ZNF169: variants seen among roughly 807,000 people sequenced by gnomAD.
The protein encoded by ZNF169 is zinc finger protein 169.
ZNF169 carries 11 observed loss-of-function variants against 12.0 expected under a neutral mutation model. The observed-to-expected ratio is 0.92, with a 90% CI of 0.58 to 1.52. The LOEUF is 1.52. ZNF169 is among the 40% of genes most tolerant of loss of function. The pLI is 0.00. For synonymous variants in ZNF169, 302 were observed against 286.5 expected (o/e 1.05, Z -0.55); for missense variants, 722 against 744.0 (o/e 0.97, Z 0.34).
rs752122792 is a variant in ZNF169 at position 94,300,884 on chromosome 9, G to A, written c.1326G>A (p.Lys442=). The part of the protein sequence containing the change: ...CPQCGRGFSQ[K]VTLIGHQRTH... The stretch of plus-strand genomic sequence containing the variant: ...AGTGTGGGCGGGGTTTTAGCCAGAA[G>A]GTCACCCTCATTGGACACCAGAGGA... The change falls in exon 5 of 5, where the codon AAG becomes AAA. Residue 442 remains lysine (K), a synonymous_variant. Transcript: ENST00000395395. 4.3e-6 allele frequency: 7 copies of A among 1,613,768 alleles called. No homozygotes were observed. In the Admixed American group the frequency reaches 5.0e-5, roughly 12 times the overall value.
At chr9:94,269,275 G>A (rs983747488) in intron 1 of ZNF169, among the ~76,000 whole-genome samples, 1 of 152,260 alleles carries the variant, frequency 6.6e-6, no homozygotes, top group South Asian at 2.1e-4. Context: ...TGCAAAGGGG[G>A]TGTATGAGCG....
At chr9:94,273,792 G>A (rs1830471647) in intron 1 of ZNF169, among the ~76,000 whole-genome samples, 1 of 152,038 alleles carries the variant, frequency 6.6e-6, no homozygotes, top group Admixed American at 6.6e-5. Flanking sequence ...TGTTAGCCAG[G>A]ATGGTCTCGA....
rs920115046 is a variant in ZNF169, at chr9:94,300,191, A to G, written c.633A>G (p.Ala211=). Residue 211 remains alanine, a synonymous_variant, in exon 5 of 5, where the codon GCA becomes GCG. Coordinates refer to ENST00000395395, the MANE Select transcript of ZNF169 (RefSeq NM_194320.4). ...LKGADTSESG[A]VIRGNYRLGL... ...GAGCAGACACTTCAGAATCTGGAGC[A>G]GTCATACGTGGAAACTATAGACTGG... The G allele has an allele frequency of 8.7e-6, 14 of 1,614,222 alleles. No individual in the cohort carries two copies. Among genetic ancestry groups the G allele is most frequent in the Middle Eastern group, 1.6e-4 (1 of 6,062 alleles).
intron 2 of ZNF169, chr9:94,288,699 T>G (rs966348670): frequency 1.2e-5 from 4 of 327,444 alleles, no homozygotes; most frequent in Non-Finnish European, 2.4e-5. Context: ...CTTGCTCACT[T>G]TTTCTCCTGC....
At chr9:94,278,492 T>C (rs1830563277) in intron 1 of ZNF169, among the ~76,000 whole-genome samples, 1 of 152,194 alleles carries the variant, frequency 6.6e-6, no homozygotes. Context: ...CTTTTTCTTT[T>C]AATGGAGTCC....
At chr9:94,288,306 G>T in intron 2 of ZNF169, 1 of 868,006 alleles carries the variant, frequency 1.2e-6, no homozygotes, top group Non-Finnish European at 2.0e-6. Flanking sequence ...TAACCTCAGT[G>T]CCTGGTGTGT....
At chr9:94,283,374 C>G (rs1467278137) in intron 2 of ZNF169, among the ~76,000 whole-genome samples, 1 of 152,170 alleles carries the variant, frequency 6.6e-6, no homozygotes, top group Non-Finnish European at 1.5e-5. Context: ...CGCCACTGTA[C>G]TCCAGCCTGG....
chr9:94,267,862 C>CTT (rs34734711), intron 1 of ZNF169, among the ~76,000 whole-genome samples: 50,833 of 113,694 alleles, frequency 0.45, 14,308 homozygotes, highest in Non-Finnish European at 0.6. Context: ...AAACTGCCTT[C>CTT]TTTTTTTTTT....
chr9:94,276,372 T>C (rs775984647), intron 1 of ZNF169, among the ~76,000 whole-genome samples: 23 of 151,880 alleles, frequency 1.5e-4, no homozygotes, highest in Non-Finnish European at 2.2e-4. Context: ...TTCAAGTGAT[T>C]CTCCTGCCTC....
Position 94,296,100 on chromosome 9 carries a change from G to A in ZNF169, c.256+3031G>A, listed in dbSNP as rs141426993. Among the ~76,000 whole-genome samples, 198 of 152,268 alleles carry A rather than the reference G, an allele frequency of 1.3e-3. 1 individual carries two copies. Among genetic ancestry groups the A allele is most frequent in the African/African-American group, 4.6e-3 (190 of 41,542 alleles). On this transcript the variant is annotated intron_variant, in intron 4 of 4. Transcript: ENST00000395395. ...GCTGTGTAGTGAGTGGCATCTTACC[G>A]TGGTTTTAACATTTTCTTAATGACT...
At chr9:94,291,473 A>G (rs993306245) in intron 2 of ZNF169, among the ~76,000 whole-genome samples, 2 of 152,224 alleles carry the variant, frequency 1.3e-5, no homozygotes, top group African/African-American at 2.4e-5. Flanking sequence ...AACCACAGCA[A>G]TAAGGCAAGA....
chr9:94,296,904 G>A (rs12378270), intron 4 of ZNF169: 19,957 of 443,084 alleles, frequency 0.045, 615 homozygotes, highest in Admixed American at 0.084. Flanking sequence ...AAAACTAGCC[G>A]AGTGTGGTGG....
rs2118684277 is a variant in ZNF169 at position 94,301,671 on chromosome 9, A to G, written c.*301A>G. Among the ~76,000 whole-genome samples, 1 of 152,184 alleles carries G rather than the reference A, an allele frequency of 6.6e-6. No homozygotes were observed. The highest frequency in any genetic ancestry group is 1.9e-4 in the East Asian group (1 of 5,176). On this transcript the variant is annotated 3_prime_UTR_variant, in exon 5 of 5. Transcript: ENST00000395395. The stretch of plus-strand genomic sequence containing the variant: ...TTAAGCCTCTCTGTTTGGCTTGCGG[A>G]TGGCTGCTTTCTGGCCACGTCCTCA...
chr9:94,289,046 T>C (rs62579663), intron 2 of ZNF169, among the ~76,000 whole-genome samples: 1 of 152,086 alleles, frequency 6.6e-6, no homozygotes, highest in Non-Finnish European at 1.5e-5. Flanking sequence ...AGGAAAATTA[T>C]GTTTTTAAAC....
chr9:94,293,356 G>A (rs1830887276), intron 4 of ZNF169: 1 of 595,026 alleles, frequency 1.7e-6, no homozygotes, highest in Non-Finnish European at 3.0e-6. Context: ...CATGTGGTTG[G>A]CATGATCTTC....
At chr9:94,288,579 G>A (rs1830764628) in intron 2 of ZNF169, 4 of 447,486 alleles carry the variant, frequency 8.9e-6, no homozygotes, top group Middle Eastern at 7.2e-4. Flanking sequence ...AACAGGCTCA[G>A]AGGCAGCTAT....
In ZNF169 at chr9:94,292,632, TGTGTGTGTGC is replaced by T; in HGVS notation, c.160+167_160+176del. On this transcript the variant is annotated intron_variant, in intron 3 of 4. Coordinates refer to ENST00000395395, the MANE Select transcript of ZNF169 (RefSeq NM_194320.4). The stretch of plus-strand genomic sequence containing the variant: ...TTGTGTGTGTGTGTGTGTGTGTGTG[TGTGTGTGTGC>T]GCGTGCACATGCTGTGAGCGTGTGG... The T allele has an allele frequency of 1.5e-5, 13 of 842,030 alleles. No individual in the cohort carries two copies. The South Asian group carries it at 1.8e-4, about 12-fold the overall frequency. The allele number at this position is 842,030 out of a possible 1,614,324, so 52.2% of individuals were successfully genotyped here.
At chr9:94,292,097 G>A (rs1349207914) in intron 2 of ZNF169, among the ~76,000 whole-genome samples, 1 of 152,212 alleles carries the variant, frequency 6.6e-6, no homozygotes, top group Non-Finnish European at 1.5e-5. Flanking sequence ...ATGTAGCTGC[G>A]ATAATCAAAC....
chr9:94,266,928 A>AG (rs1830303465), intron 1 of ZNF169, among the ~76,000 whole-genome samples: 1 of 133,602 alleles, frequency 7.5e-6, no homozygotes, highest in African/African-American at 2.6e-5. Context: ...TTTTTTTTTT[A>AG]AGACAGAGTC....
Sources: allele counts gnomAD v4.1 joint callset (sites outside exome capture counted in the v4.1 genomes callset), GRCh38; gene constraint gnomAD v4.1.1; transcripts MANE v1.5; gene names NCBI Gene and HGNC (gene_info 2026-07-23, HGNC 2026-07-21).